The following FSHR variants were observed in gnomAD, a reference collection of about 807,000 sequenced individuals.
The protein encoded by FSHR is follicle-stimulating hormone receptor.
Under a neutral mutation model 52.1 loss-of-function variants are expected in FSHR, and 46 were observed. That is an observed-to-expected ratio of 0.88 (90% CI 0.70 to 1.13). The LOEUF (loss-of-function observed/expected upper bound fraction) is 1.13. FSHR is among the 50% of genes most tolerant of loss of function. FSHR has a pLI of 0.00. For synonymous variants in FSHR, 399 were observed against 309.6 expected, an observed-to-expected ratio of 1.29 and a Z score of -3.03; for missense variants, 964 against 834.6, an observed-to-expected ratio of 1.16 and a Z score of -1.91.
Position 49,017,520 on chromosome 2 carries a change from C to T in FSHR, c.343G>A (p.Ala115Thr). 8 of 1,613,444 alleles carry T rather than the reference C, an allele frequency of 5.0e-6. No homozygotes were observed. The highest frequency in any genetic ancestry group is 5.9e-6 in the Non-Finnish European group (7 of 1,179,638). ...TGAAGGTTGGGAAGGTTCTGGAAGG[C>T]CTCAGGGTTGATGTAGAGCAGGTTG... ...ANNLLYINPEAFQNLPNLQYL... is the reference protein window; with the variant it reads ...ANNLLYINPETFQNLPNLQYL... The change falls in exon 4 of 10, where the codon GCC becomes ACC. Residue 115 changes from alanine to threonine, a missense_variant. Physicochemically the swap from Ala to Thr is moderately conservative, Grantham distance 58 (BLOSUM62 0). Coordinates refer to ENST00000406846, the MANE Select transcript of FSHR (RefSeq NM_000145.4).
At chr2:48,986,921 C>T (rs1055124002) in intron 6 of FSHR, among the ~76,000 whole-genome samples, 4 of 152,110 alleles carry the variant, frequency 2.6e-5, no homozygotes, top group African/African-American at 9.7e-5. Context: ...GATATGAGCA[C>T]ACTCCCACTT....
chr2:49,023,764 A>G (rs2104233977), intron 2 of FSHR, among the ~76,000 whole-genome samples: 1 of 152,194 alleles, frequency 6.6e-6, no homozygotes, highest in South Asian at 2.1e-4. Context: ...CTGACTGGGG[A>G]TTAGGGAAGA....
chr2:48,973,196 C>T (rs10205229), intron 8 of FSHR, among the ~76,000 whole-genome samples: 33,082 of 152,080 alleles, frequency 0.22, 4,974 homozygotes, highest in African/African-American at 0.43. Context: ...AAAGCCTAAA[C>T]CATGCAGACA....
At chr2:48,995,851 T>G (rs1185433558) in intron 4 of FSHR, among the ~76,000 whole-genome samples, 1 of 152,106 alleles carries the variant, frequency 6.6e-6, no homozygotes, top group Non-Finnish European at 1.5e-5. Flanking sequence ...GAAAACATTT[T>G]TTTTTACCTC....
intron 1 of FSHR, among the ~76,000 whole-genome samples, chr2:49,102,597 T>C (rs1296906977): frequency 1.3e-5 from 2 of 152,170 alleles, no homozygotes; most frequent in Non-Finnish European, 2.9e-5. Flanking sequence ...TGATGTGCTC[T>C]GAAAGTGAGT....
intron 1 of FSHR, among the ~76,000 whole-genome samples, chr2:49,118,684 T>C (rs1162614704): frequency 6.6e-6 from 1 of 151,886 alleles, no homozygotes; most frequent in Non-Finnish European, 1.5e-5. Flanking sequence ...TTGACTTAGG[T>C]TTCACCTAGG....
chr2:49,078,188 C>T (rs1670024799), intron 1 of FSHR, among the ~76,000 whole-genome samples: 1 of 152,166 alleles, frequency 6.6e-6, no homozygotes, highest in Admixed American at 6.5e-5. Context: ...CTGAGGAGGC[C>T]TCACAATCAT....
chr2:49,044,734 C>G (rs570926320), intron 2 of FSHR, among the ~76,000 whole-genome samples: 1 of 152,178 alleles, frequency 6.6e-6, no homozygotes, highest in African/African-American at 2.4e-5. Context: ...TGTGTTTGAT[C>G]TAGAAGAAAC....
In FSHR at chr2:48,987,815, C is replaced by A. The variant is rs1404740106; in HGVS notation, c.524+1162G>T. Among the ~76,000 whole-genome samples, 9 of 143,252 alleles carry A rather than the reference C, an allele frequency of 6.3e-5. No individual in the cohort carries two copies. In the Admixed American group the frequency reaches 6.6e-4, roughly 10 times the overall value. The allele number at this position is 143,252 out of a possible 152,430, so 94.0% of individuals were successfully genotyped here. On this transcript the variant is annotated intron_variant, in intron 6 of 9. Transcript: ENST00000406846. ...TTTTGCTTTCTCTTTCTTACCCTTTCTGCACCCCATCACCTCATCTCAACA... is the reference window on the plus strand; with the variant it reads ...TTTTGCTTTCTCTTTCTTACCCTTTATGCACCCCATCACCTCATCTCAACA...
intron 1 of FSHR, among the ~76,000 whole-genome samples, chr2:49,123,395 G>A (rs1006645988): frequency 6.6e-6 from 1 of 152,116 alleles, no homozygotes; most frequent in African/African-American, 2.4e-5. Flanking sequence ...GCTGAGGTAG[G>A]AGTATCGCTT....
chr2:48,987,987 C>T (rs1675596042), intron 6 of FSHR, among the ~76,000 whole-genome samples: 1 of 152,008 alleles, frequency 6.6e-6, no homozygotes, highest in Non-Finnish European at 1.5e-5. Flanking sequence ...TTTTATTGTT[C>T]CCTCCATACA....
intron 2 of FSHR, 59 bp from the exon 3 acceptor site, chr2:49,020,219 A>G: frequency 4.4e-6 from 6 of 1,364,956 alleles, no homozygotes; most frequent in Non-Finnish European, 6.3e-6. Flanking sequence ...GAATATTTTT[A>G]GGGCTCAGCA....
chr2:49,153,955 G>C (rs1225753076), intron 1 of FSHR, among the ~76,000 whole-genome samples: 1 of 152,034 alleles, frequency 6.6e-6, no homozygotes, highest in Non-Finnish European at 1.5e-5. Context: ...TTCCTTTTCT[G>C]GTTCCACTAA....
chr2:49,119,755 A>G (rs1671741856), intron 1 of FSHR, among the ~76,000 whole-genome samples: 1 of 152,214 alleles, frequency 6.6e-6, no homozygotes, highest in Non-Finnish European at 1.5e-5. Context: ...AAATACAAAA[A>G]CGAACAAAGG....
At chr2:49,141,669 A>C (rs1672692045) in intron 1 of FSHR, among the ~76,000 whole-genome samples, 1 of 152,134 alleles carries the variant, frequency 6.6e-6, no homozygotes, top group Non-Finnish European at 1.5e-5. Context: ...ACAGGAGAAG[A>C]GTGCAGTGCT....
chr2:49,032,464 C>T (rs1319407030), intron 2 of FSHR, among the ~76,000 whole-genome samples: 1 of 152,158 alleles, frequency 6.6e-6, no homozygotes, highest in African/African-American at 2.4e-5. Flanking sequence ...CAGTCCTCTT[C>T]TTCATACATA....
At chr2:48,985,922 C>T (rs986129010) in intron 6 of FSHR, among the ~76,000 whole-genome samples, 2 of 151,478 alleles carry the variant, frequency 1.3e-5, no homozygotes, top group African/African-American at 4.8e-5. Context: ...ACCTTGTTAG[C>T]CAGGATGGTC....
intron 8 of FSHR, among the ~76,000 whole-genome samples, chr2:48,971,670 T>C (rs1237694839): frequency 6.6e-6 from 1 of 152,216 alleles, no homozygotes; most frequent in Non-Finnish European, 1.5e-5. Context: ...GCTTCTTTGT[T>C]CTATCACTAC....
intron 2 of FSHR, among the ~76,000 whole-genome samples, chr2:49,065,879 A>G (rs1268197968): frequency 6.6e-6 from 1 of 152,128 alleles, no homozygotes; most frequent in Non-Finnish European, 1.5e-5. Context: ...GAGGCAGGAG[A>G]GTGTGGTATC....
Sources: allele counts gnomAD v4.1 joint callset (sites outside exome capture counted in the v4.1 genomes callset), GRCh38; gene constraint gnomAD v4.1.1; transcripts MANE v1.5; gene names NCBI Gene and HGNC (gene_info 2026-07-23, HGNC 2026-07-21).